Variants in TMED3 observed in about 807,000 individuals in gnomAD.
The protein encoded by TMED3 is transmembrane p24 trafficking protein 3.
A neutral mutation model predicts 15.0 loss-of-function variants in TMED3; 9 were observed. The observed-to-expected ratio is 0.60, with a 90% CI of 0.36 to 1.04. The LOEUF (loss-of-function observed/expected upper bound fraction) is 1.04. Among genes scored for constraint, TMED3 ranks in the 50% least tolerant of loss-of-function variants. TMED3 has a pLI of 0.01. For synonymous variants in TMED3, 117 were observed against 121.4 expected (o/e 0.96, Z 0.24); for missense variants, 267 against 278.9 (o/e 0.96, Z 0.30).
At position 79,356,569 on chromosome 15, in the gene TMED3, A is replaced by G. The variant is rs79397179; in HGVS notation, c.417+42564A>G. Among the ~76,000 whole-genome samples, 1,212 of 152,302 alleles carry G rather than the reference A, an allele frequency of 8.0e-3. 10 individuals are homozygous for G. The highest frequency in any genetic ancestry group is 0.011 in the Non-Finnish European group (779 of 68,026). The stretch of plus-strand genomic sequence containing the variant: ...AGAAGAAAATGAACAACAAACACAT[A>G]CATTCATATGCACTCTCTCAGATGG... On this transcript the variant is annotated intron_variant, in intron 2 of 2. Transcript: ENST00000424155.
chr15:79,366,565 G>C (rs1021471602), intron 2 of TMED3, among the ~76,000 whole-genome samples: 1 of 152,220 alleles, frequency 6.6e-6, no homozygotes, highest in African/African-American at 2.4e-5. Flanking sequence ...TAGGTGCCTG[G>C]AATTTCCCTT....
rs574151862 is a variant in TMED3 at position 79,359,099 on chromosome 15, G to A, written c.417+45094G>A. Among the ~76,000 whole-genome samples, 10 of 152,284 alleles carry A rather than the reference G, an allele frequency of 6.6e-5. No homozygotes were observed. In the South Asian group the frequency reaches 1.2e-3, roughly 19 times the overall value. On this transcript the variant is annotated intron_variant, in intron 2 of 2. Coordinates refer to the TMED3 transcript ENST00000424155. Reference sequence around the variant, plus strand: ...CTCAGACAAATTGGATTCTGCCCACGGGGGAAGACAAGGGAAGTGAGGAGG... The same window carrying A: ...CTCAGACAAATTGGATTCTGCCCACAGGGGAAGACAAGGGAAGTGAGGAGG...
At chr15:79,321,869 TA>T in intron 2 of TMED3, 108 bp from the exon 3 acceptor site, 1 of 1,314,022 alleles carries the variant, frequency 7.6e-7, no homozygotes, top group Non-Finnish European at 1.1e-6. Context: ...GACTCTTAGT[TA>T]GCATTCAGTG....
intron 2 of TMED3, among the ~76,000 whole-genome samples, chr15:79,381,733 G>A (rs780289007): frequency 2.6e-5 from 4 of 152,290 alleles, no homozygotes; most frequent in Non-Finnish European, 4.4e-5. Flanking sequence ...ATAAACAGTT[G>A]CATTTGCCTG....
chr15:79,395,536 TA>T lies in TMED3; in HGVS notation c.418-15855del, dbSNP rs1185437719. ...AATTTAAAAATATTTAACTACACTT[TA>T]AAAAAAAAGACATTTTTCTTCTTCC... On this transcript the variant is annotated intron_variant, in intron 2 of 2. Transcript: ENST00000424155. 1.4e-4 allele frequency among the ~76,000 whole-genome samples: 21 copies of T among 151,546 alleles called. No individual in the cohort carries two copies. In the East Asian group the frequency reaches 4.1e-3, roughly 29 times the overall value.
intron 2 of TMED3, among the ~76,000 whole-genome samples, chr15:79,400,021 C>G (rs1893813226): frequency 6.6e-6 from 1 of 152,220 alleles, no homozygotes; most frequent in South Asian, 2.1e-4. Flanking sequence ...CAATGGCTTT[C>G]TATTGTACCG....
intron 1 of TMED3, 78 bp from the exon 2 acceptor site, chr15:79,313,679 T>C: frequency 5.9e-6 from 9 of 1,519,618 alleles, no homozygotes; most frequent in Non-Finnish European, 8.0e-6. Flanking sequence ...GTTTGTAGAG[T>C]CTGATCACAG....
intron 2 of TMED3, among the ~76,000 whole-genome samples, chr15:79,337,371 C>G (rs1468209791): frequency 6.6e-6 from 1 of 152,086 alleles, no homozygotes; most frequent in Admixed American, 6.6e-5. Context: ...CTTCTTTAAG[C>G]CTTATCTCCA....
chr15:79,413,817 G>C (rs1595915752), exon 3 of TMED3: 1 of 152,186 alleles, frequency 6.6e-6, no homozygotes, highest in East Asian at 1.9e-4. Context: ...CTAAGTGGCA[G>C]GTCTGATTTG....
chr15:79,393,729 T>C (rs541978165), intron 2 of TMED3, among the ~76,000 whole-genome samples: 13 of 152,340 alleles, frequency 8.5e-5, no homozygotes, highest in African/African-American at 2.6e-4. Flanking sequence ...AGGGTCTTAC[T>C]ATGTTGCCCA....
chr15:79,366,898 A>T (rs920856782), intron 2 of TMED3, among the ~76,000 whole-genome samples: 4 of 151,436 alleles, frequency 2.6e-5, no homozygotes. Flanking sequence ...TTTAAGGTGC[A>T]TTTTTTTTTC....
In TMED3 at chr15:79,311,266, C is replaced by T. The variant is rs370013859; in HGVS notation, c.17C>T (p.Pro6Leu). The change falls in exon 1 of 3, where the codon CCG becomes CTG. Residue 6 changes from proline (P) to leucine (L), a missense_variant. Around this residue, in one of 3 missense-constraint regions of TMED3, gnomAD observed 59 missense variants for 47.0 expected, o/e 1.26. Transcript: ENST00000299705. MGSTV[P>L]RSASVLLLLL... ...GAGAGCATCATGGGCAGCACTGTCC[C>T]GCGCTCCGCCTCCGTGCTGCTTCTG... The T allele has an allele frequency of 4.4e-5, 70 of 1,602,454 alleles. No homozygotes were observed. The African/African-American group carries it at 7.2e-4, about 17-fold the overall frequency.
In TMED3 at chr15:79,397,552, A is replaced by G. The variant is rs117293289; in HGVS notation, c.418-13848A>G. On this transcript the variant is annotated intron_variant, in intron 2 of 2. Transcript: ENST00000424155. ...GATTCAAAGTGCAAGCCAATCTTTGATGATTGTTGTCTGTTTCATGAAGGG... is the reference window on the plus strand; with the variant it reads ...GATTCAAAGTGCAAGCCAATCTTTGGTGATTGTTGTCTGTTTCATGAAGGG... Among the ~76,000 whole-genome samples, 796 of 152,328 alleles carry G rather than the reference A, an allele frequency of 5.2e-3. 3 individuals carry two copies. The highest frequency in any genetic ancestry group is 7.7e-3 in the Non-Finnish European group (521 of 68,028).
At chr15:79,329,154 T>A (rs12441215) in intron 2 of TMED3, among the ~76,000 whole-genome samples, 27,343 of 152,072 alleles carry the variant, frequency 0.18, 2,417 homozygotes, top group Admixed American at 0.24. Context: ...GGGATTTTCT[T>A]CTGTGATTTT....
chr15:79,367,383 TG>T (rs1416449034), intron 2 of TMED3, among the ~76,000 whole-genome samples: 1 of 152,194 alleles, frequency 6.6e-6, no homozygotes, highest in Non-Finnish European at 1.5e-5. Context: ...GGTTTTTATT[TG>T]TAGGGCACAA....
At chr15:79,369,350 T>C (rs1893295111) in intron 2 of TMED3, among the ~76,000 whole-genome samples, 1 of 152,198 alleles carries the variant, frequency 6.6e-6, no homozygotes, top group African/African-American at 2.4e-5. Context: ...CCCATGAAGA[T>C]GCCAGCTATC....
intron 2 of TMED3, among the ~76,000 whole-genome samples, chr15:79,388,207 A>G (rs1428291114): frequency 6.6e-6 from 1 of 152,120 alleles, no homozygotes; most frequent in Non-Finnish European, 1.5e-5. Flanking sequence ...ACCATTAATT[A>G]TGATGTTTTC....
chr15:79,342,086 T>C (rs1439129431), intron 2 of TMED3, among the ~76,000 whole-genome samples: 2 of 152,214 alleles, frequency 1.3e-5, no homozygotes, highest in Admixed American at 6.5e-5. Flanking sequence ...TGACTAAATA[T>C]GTCATTATCA....
rs147373598 is a variant in TMED3, at chr15:79,369,515, T to C, written c.418-41885T>C. Among the ~76,000 whole-genome samples, 786 of 152,372 alleles carry C rather than the reference T, an allele frequency of 5.2e-3. 9 individuals are homozygous for C. The highest frequency in any genetic ancestry group is 0.018 in the African/African-American group (764 of 41,594). ...GATGCCTGTGCTTCTTCCCCTAAGCTGGCTTTGGAAATAAGTCCCTTTATA... is the reference window on the plus strand; with the variant it reads ...GATGCCTGTGCTTCTTCCCCTAAGCCGGCTTTGGAAATAAGTCCCTTTATA... On this transcript the variant is annotated intron_variant, in intron 2 of 2. Coordinates refer to the TMED3 transcript ENST00000424155.
Sources: gnomAD v4.1 joint callset for allele counts (sites outside exome capture counted in the v4.1 genomes callset) on GRCh38, gnomAD v4.1.1 for gene constraint, gnomAD v4.1.1 regional missense constraint, MANE v1.5 for transcripts, NCBI Gene and HGNC (gene_info 2026-07-23, HGNC 2026-07-21) for gene names.